SUCLG2: variants seen among roughly 807,000 people sequenced by gnomAD.
SUCLG2 encodes succinate-CoA ligase GDP-forming subunit beta.
In SUCLG2, 42 loss-of-function variants were observed where a neutral mutation model predicts 47.9. The observed-to-expected ratio is 0.88, with a 90% confidence interval of 0.69 to 1.14. The LOEUF (loss-of-function observed/expected upper bound fraction) is 1.14, where lower values mean the gene tolerates loss of function less well. SUCLG2 is among the 50% of genes most tolerant of loss of function. SUCLG2 has a pLI of 0.00. For missense variants in SUCLG2, 571 were observed against 525.9 expected (o/e 1.09, Z -0.84); for synonymous variants, 195 against 197.3 (o/e 0.99, Z 0.10).
intron 9 of SUCLG2, among the ~76,000 whole-genome samples, chr3:67,425,265 G>C (rs573121827): frequency 6.6e-6 from 1 of 152,264 alleles, no homozygotes; most frequent in Non-Finnish European, 1.5e-5. Flanking sequence ...TCAGTGGACT[G>C]ACCCACACCT....
intron 2 of SUCLG2, among the ~76,000 whole-genome samples, chr3:67,544,380 T>C (rs1239644650): frequency 1.3e-5 from 2 of 152,150 alleles, no homozygotes. Flanking sequence ...CATGCTGTTC[T>C]CATGATAGTG....
At chr3:67,376,333 A>G (rs1170191513) in intron 10 of SUCLG2, 16 of 985,386 alleles carry the variant, frequency 1.6e-5, no homozygotes, top group Non-Finnish European at 1.9e-5. Context: ...CTCACTCTAT[A>G]AAATGAAATG....
At chr3:67,574,933 C>T (rs1707706174) in intron 2 of SUCLG2, among the ~76,000 whole-genome samples, 1 of 152,112 alleles carries the variant, frequency 6.6e-6, no homozygotes, top group Non-Finnish European at 1.5e-5. Context: ...GATGAATGGT[C>T]AGTAAGTTCA....
At chr3:67,548,020 G>A (rs539247083) in intron 2 of SUCLG2, among the ~76,000 whole-genome samples, 1 of 152,088 alleles carries the variant, frequency 6.6e-6, no homozygotes, top group Non-Finnish European at 1.5e-5. Context: ...CTCAGCATAC[G>A]GTCATTCATT....
chr3:67,485,256 C>A (rs998624940), intron 9 of SUCLG2, among the ~76,000 whole-genome samples: 3 of 152,118 alleles, frequency 2.0e-5, no homozygotes, highest in Admixed American at 6.6e-5. Flanking sequence ...AAATATGTAG[C>A]TTGGTCCTGA....
intron 1 of SUCLG2, among the ~76,000 whole-genome samples, chr3:67,644,598 C>T (rs986451274): frequency 4.6e-5 from 7 of 151,214 alleles, no homozygotes; most frequent in Admixed American, 2.6e-4. Context: ...TAACAATGTC[C>T]GAGTATGGTT....
At chr3:67,468,725 T>C (rs891870137) in intron 9 of SUCLG2, among the ~76,000 whole-genome samples, 2 of 152,016 alleles carry the variant, frequency 1.3e-5, no homozygotes, top group African/African-American at 4.8e-5. Context: ...CATAGCAGAC[T>C]CCAAGCAGGG....
At chr3:67,591,544 C>G (rs1708165154) in intron 2 of SUCLG2, among the ~76,000 whole-genome samples, 1 of 152,150 alleles carries the variant, frequency 6.6e-6, no homozygotes, top group Non-Finnish European at 1.5e-5. Flanking sequence ...ATAAGTCTCA[C>G]AAGATCTGAT....
At chr3:67,363,579 T>C (rs1701837683) in intron 10 of SUCLG2, among the ~76,000 whole-genome samples, 1 of 152,194 alleles carries the variant, frequency 6.6e-6, no homozygotes, top group Non-Finnish European at 1.5e-5. Context: ...CATCTCTCTA[T>C]CTAGGCATTG....
At position 67,425,452 on chromosome 3, in the gene SUCLG2, C is replaced by A. The variant is rs564967996; in HGVS notation, c.1063-24601G>T. ...AGAGATTAGCATTTGAATTCATAGA[C>A]TGAATAGAGAATACCCACCCTCACC... On this transcript the variant is annotated intron_variant, in intron 9 of 10. Transcript: ENST00000307227. 3.8e-3 allele frequency among the ~76,000 whole-genome samples: 577 copies of A among 152,146 alleles called. 3 individuals are homozygous for A. The highest frequency in any genetic ancestry group is 6.3e-3 in the Non-Finnish European group (427 of 68,006).
chr3:67,619,493 G>C (rs1427255972), intron 1 of SUCLG2, among the ~76,000 whole-genome samples: 1 of 152,140 alleles, frequency 6.6e-6, no homozygotes, highest in Non-Finnish European at 1.5e-5. Context: ...AAGTCAACTG[G>C]GGCAAAAGAA....
In SUCLG2 at chr3:67,647,400, T is replaced by G. The variant is rs544674097; in HGVS notation, c.84+7103A>C. ...CATACTCAGTACACTGGTCAAAGTC[T>G]GAACCCAGAATACCAGGAAACTCCA... On this transcript the variant is annotated intron_variant, in intron 1 of 10. Coordinates refer to ENST00000307227, the MANE Select transcript of SUCLG2 (RefSeq NM_003848.4). Among the ~76,000 whole-genome samples the G allele has an allele frequency of 6.6e-5, 10 of 152,362 alleles. No homozygotes were observed. The South Asian group carries it at 2.1e-3, about 32-fold the overall frequency.
rs751919621 is a variant in SUCLG2, at chr3:67,508,775, C to A, written c.757+32G>T. The A allele has an allele frequency of 2.7e-6, 4 of 1,472,832 alleles. No homozygotes were observed. The South Asian group carries it at 4.8e-5, about 18-fold the overall frequency. 91.2% of individuals were successfully genotyped at this position (1,472,832 alleles called of 1,614,324 possible). ...TTTGCATAAATAATTATAATACATT[C>A]ATTTGTTTTCTCAATTCTTTTTTTT... On this transcript the variant is annotated intron_variant, in intron 7 of 10. Transcript: ENST00000307227.
intron 1 of SUCLG2, among the ~76,000 whole-genome samples, chr3:67,613,905 G>T (rs763042193): frequency 1.3e-5 from 2 of 152,108 alleles, no homozygotes; most frequent in African/African-American, 4.8e-5. Flanking sequence ...TGTCCCTTTC[G>T]TCAAAAGTCT....
At chr3:67,498,006 C>T (rs557053706) in intron 8 of SUCLG2, 128 bp downstream of exon 8, 82 of 985,052 alleles carry the variant, frequency 8.3e-5, no homozygotes, top group Non-Finnish European at 1.1e-4. Flanking sequence ...GGATACTTTC[C>T]TAAGACTTTT....
At chr3:67,605,955 G>A (rs76416634) in intron 2 of SUCLG2, among the ~76,000 whole-genome samples, 2 of 152,048 alleles carry the variant, frequency 1.3e-5, no homozygotes, top group African/African-American at 4.8e-5. Flanking sequence ...GCTCTCGGTT[G>A]TAATCTCAGC....
chr3:67,572,255 T>G (rs1212427677), intron 2 of SUCLG2, among the ~76,000 whole-genome samples: 2 of 152,194 alleles, frequency 1.3e-5, no homozygotes, highest in African/African-American at 4.8e-5. Context: ...CAGGAGTAAC[T>G]TTTCCCTCAG....
intron 2 of SUCLG2, among the ~76,000 whole-genome samples, chr3:67,607,829 G>A (rs1700451413): frequency 6.6e-6 from 1 of 152,128 alleles, no homozygotes; most frequent in African/African-American, 2.4e-5. Context: ...GAGTTCCCCT[G>A]CACAAGTTCT....
At chr3:67,580,155 G>T (rs1332933612) in intron 2 of SUCLG2, among the ~76,000 whole-genome samples, 3 of 151,776 alleles carry the variant, frequency 2.0e-5, no homozygotes, top group Non-Finnish European at 2.9e-5. Context: ...AAACTTCATG[G>T]AATAAAGAAT....
Sources: gnomAD v4.1 joint callset for allele counts (sites outside exome capture counted in the v4.1 genomes callset) on GRCh38, gnomAD v4.1.1 for gene constraint, MANE v1.5 for transcripts, NCBI Gene and HGNC (gene_info 2026-07-23, HGNC 2026-07-21) for gene names.